Variants in STK32B observed in about 807,000 individuals in gnomAD.
STK32B encodes the protein serine/threonine kinase 32B.
A neutral mutation model predicts 52.6 loss-of-function variants in STK32B; 43 were observed. That is an observed-to-expected ratio of 0.82 (90% CI 0.64 to 1.05). STK32B has a LOEUF of 1.05. Ranked by LOEUF, STK32B falls within the 50% of genes least tolerant of loss-of-function variation. The pLI, the probability that STK32B is intolerant of heterozygous loss-of-function variation, is 0.00. For missense variants in STK32B, 621 were observed against 534.6 expected, an observed-to-expected ratio of 1.16 and a Z score of -1.59; for synonymous variants, 238 against 204.3, an observed-to-expected ratio of 1.17 and a Z score of -1.41.
chr4:5,318,085 T>G (rs543494014), intron 3 of STK32B, among the ~76,000 whole-genome samples: 38 of 150,142 alleles, frequency 2.5e-4, no homozygotes, highest in Non-Finnish European at 4.4e-4. Context: ...GGGCTTGCAT[T>G]TGTGTGTGCT....
intron 2 of STK32B, among the ~76,000 whole-genome samples, chr4:5,161,448 T>TCA (rs1273706279): frequency 6.6e-6 from 1 of 152,210 alleles, no homozygotes; most frequent in Non-Finnish European, 1.5e-5. Flanking sequence ...GGCCTCATGA[T>TCA]CACAAGGGGC....
chr4:5,496,267 C>G (rs992258746), intron 11 of STK32B, among the ~76,000 whole-genome samples: 1 of 152,234 alleles, frequency 6.6e-6, no homozygotes, highest in Non-Finnish European at 1.5e-5. Context: ...TTTACCTAAG[C>G]AAGCCTGGGC....
At chr4:5,060,326 T>C (rs886281120) in intron 1 of STK32B, among the ~76,000 whole-genome samples, 1 of 152,212 alleles carries the variant, frequency 6.6e-6, no homozygotes, top group Admixed American at 6.5e-5. Context: ...TATCCTCTTA[T>C]TATCTTTTTC....
intron 6 of STK32B, among the ~76,000 whole-genome samples, chr4:5,423,207 G>C (rs1310121678): frequency 2.6e-5 from 4 of 152,120 alleles, no homozygotes; most frequent in East Asian, 1.9e-4. Flanking sequence ...TAGGGGTCAG[G>C]CTCAAGGGGG....
chr4:5,315,913 C>G (rs1730646365), intron 3 of STK32B, among the ~76,000 whole-genome samples: 1 of 150,442 alleles, frequency 6.6e-6, no homozygotes, highest in Non-Finnish European at 1.5e-5. Context: ...CTGTGTTGGC[C>G]AAGCTGATCT....
chr4:5,398,100 G>A lies in STK32B; in HGVS notation c.435-107G>A, dbSNP rs1205889668. 8.0e-7 allele frequency: 1 copy of A among 1,242,448 alleles called. No homozygotes were observed. Among genetic ancestry groups the A allele is most frequent in the East Asian group, 2.4e-5 (1 of 42,356 alleles). 77.0% of individuals were successfully genotyped at this position (1,242,448 alleles called of 1,614,324 possible). A position where few individuals can be genotyped will look rare whatever the true frequency, so the allele number is the denominator to read the frequency against. ...TGTCTGAGGCTTCAGGTCAGGGAGAGGTGAGCAGCCTGGGTGTTCCAGCAT... is the reference window on the plus strand; with the variant it reads ...TGTCTGAGGCTTCAGGTCAGGGAGAAGTGAGCAGCCTGGGTGTTCCAGCAT... On this transcript the variant is annotated intron_variant, in intron 4 of 11. Coordinates refer to ENST00000282908, the MANE Select transcript of STK32B (RefSeq NM_018401.3). This position sits in a 1 kb window ranked among gnomAD's most constrained non-coding sequence, Gnocchi z 4.9.
intron 1 of STK32B, among the ~76,000 whole-genome samples, chr4:5,093,455 C>T (rs573868422): frequency 3.9e-5 from 6 of 152,000 alleles, no homozygotes; most frequent in African/African-American, 4.8e-5. Context: ...CAGCAACTAT[C>T]GCAAGGACAA....
intron 3 of STK32B, among the ~76,000 whole-genome samples, chr4:5,208,208 C>T (rs1722698292): frequency 6.6e-6 from 1 of 152,142 alleles, no homozygotes. Flanking sequence ...GGAACTCAGC[C>T]CAGAAGTGGC....
intron 3 of STK32B, among the ~76,000 whole-genome samples, chr4:5,304,610 C>T (rs953544299): frequency 1.3e-5 from 2 of 151,974 alleles, no homozygotes; most frequent in African/African-American, 4.8e-5. Context: ...TCTAGGTATA[C>T]AATCATGTCA....
At chr4:5,397,118 C>T (rs1736972952) in intron 4 of STK32B, among the ~76,000 whole-genome samples, 1 of 152,202 alleles carries the variant, frequency 6.6e-6, no homozygotes, top group African/African-American at 2.4e-5. Flanking sequence ...AGTGTGTTTT[C>T]AGGTAGAATT....
chr4:5,028,351 A>G, the STK32B span, among the ~76,000 whole-genome samples: 4 of 152,164 alleles, frequency 2.6e-5, no homozygotes, highest in Non-Finnish European at 5.9e-5. Flanking sequence ...ATTTGTGTGA[A>G]TCCTCAGTGC....
intron 6 of STK32B, among the ~76,000 whole-genome samples, chr4:5,429,168 CT>C (rs1713350778): frequency 6.6e-6 from 1 of 152,138 alleles, no homozygotes. Flanking sequence ...TTTTTCTATC[CT>C]TTTATTTCTA....
intron 1 of STK32B, among the ~76,000 whole-genome samples, chr4:5,106,829 G>T (rs1424545967): frequency 6.6e-6 from 1 of 152,076 alleles, no homozygotes; most frequent in Non-Finnish European, 1.5e-5. Flanking sequence ...GCTTCCTTGT[G>T]GTGTCTTTTG....
chr4:5,362,228 G>A (rs1224617599), intron 4 of STK32B, among the ~76,000 whole-genome samples: 1 of 152,156 alleles, frequency 6.6e-6, no homozygotes, highest in Admixed American at 6.5e-5. Flanking sequence ...TCGCAGATAT[G>A]AAGGCACAAA....
At chr4:5,412,166 C>T (rs1273261182) in intron 5 of STK32B, among the ~76,000 whole-genome samples, 1 of 152,166 alleles carries the variant, frequency 6.6e-6, no homozygotes, top group Non-Finnish European at 1.5e-5. Flanking sequence ...ATCGATACTC[C>T]ATTAGCATTT....
chr4:5,477,030 C>T (rs1447633745), intron 11 of STK32B, among the ~76,000 whole-genome samples: 4 of 152,032 alleles, frequency 2.6e-5, no homozygotes, highest in South Asian at 2.1e-4. Context: ...TAGAACAAAG[C>T]GAGACTATAT....
At chr4:5,282,739 G>A (rs926971821) in intron 3 of STK32B, among the ~76,000 whole-genome samples, 3 of 152,070 alleles carry the variant, frequency 2.0e-5, no homozygotes, top group Non-Finnish European at 4.4e-5. Context: ...CAGTGGCTGG[G>A]TAGCATATAC....
At chr4:5,173,865 C>G (rs1002045230) in intron 3 of STK32B, among the ~76,000 whole-genome samples, 10 of 152,086 alleles carry the variant, frequency 6.6e-5, no homozygotes, top group Non-Finnish European at 1.2e-4. Flanking sequence ...TCCTTGTTAA[C>G]TTTTTGTCTC....
chr4:5,352,079 C>T (rs1733863711), intron 4 of STK32B, among the ~76,000 whole-genome samples: 1 of 152,048 alleles, frequency 6.6e-6, no homozygotes, highest in Admixed American at 6.6e-5. Context: ...GAAAGAAACT[C>T]TCCCTAACAT....
Sources: gnomAD v4.1 joint callset for allele counts (sites outside exome capture counted in the v4.1 genomes callset) on GRCh38, gnomAD v4.1.1 for gene constraint, Gnocchi (gnomAD v3.1) non-coding constraint, MANE v1.5 for transcripts, NCBI Gene and HGNC (gene_info 2026-07-23, HGNC 2026-07-21) for gene names.